The following CACNA1D variants were observed in gnomAD, a reference collection of about 807,000 sequenced individuals.
CACNA1D encodes the protein calcium voltage-gated channel subunit alpha1 D.
Under a neutral mutation model 257.1 loss-of-function variants are expected in CACNA1D, and 55 were observed. The observed-to-expected ratio is 0.21, with a 90% confidence interval of 0.17 to 0.27. The LOEUF is 0.27. Among genes scored for constraint, CACNA1D ranks in the 10% least tolerant of loss-of-function variants. The probability of loss-of-function intolerance (pLI) is 1.00; values close to 1 mark genes in which losing one functional copy is unlikely to be tolerated. For synonymous variants in CACNA1D, 980 were observed against 1,014.9 expected (o/e 0.97, Z 0.65); for missense variants, 1,876 against 2,784.0 (o/e 0.67, Z 7.34).
intron 3 of CACNA1D, among the ~76,000 whole-genome samples, chr3:53,593,341 G>T (rs2093331443): frequency 6.6e-6 from 1 of 152,178 alleles, no homozygotes; most frequent in Admixed American, 6.5e-5. Context: ...AGCTTGTCTT[G>T]TTTCTGAGTT....
chr3:53,546,547 G>C (rs1315362336), intron 3 of CACNA1D, among the ~76,000 whole-genome samples: 1 of 152,208 alleles, frequency 6.6e-6, no homozygotes, highest in African/African-American at 2.4e-5. Context: ...AAGGCCATAA[G>C]AGTCAGAATT....
At chr3:53,670,534 G>A (rs570294374) in intron 7 of CACNA1D, among the ~76,000 whole-genome samples, 1 of 152,006 alleles carries the variant, frequency 6.6e-6, no homozygotes, top group South Asian at 2.1e-4. Flanking sequence ...TAGTAGAGAC[G>A]GGTTTCACCA....
chr3:53,609,427 A>C lies in CACNA1D; in HGVS notation c.484-41352A>C, dbSNP rs1040279937. On this transcript the variant is annotated intron_variant, in intron 3 of 47. Transcript: ENST00000350061. ...TCTACCTCAAAAAAAAAAAAAAAAA[A>C]AAAAAACTTCAAGTTATTAAATAGA... Among the ~76,000 whole-genome samples, 37 of 151,912 alleles carry C rather than the reference A, an allele frequency of 2.4e-4. No individual in the cohort carries two copies. In the South Asian group the frequency reaches 5.6e-3, roughly 23 times the overall value.
At chr3:53,727,372 G>A (rs568589545) in intron 15 of CACNA1D, among the ~76,000 whole-genome samples, 17 of 152,292 alleles carry the variant, frequency 1.1e-4, no homozygotes, top group East Asian at 7.7e-4. Flanking sequence ...GAGCTTAGGC[G>A]TCCATCTGTG....
intron 32 of CACNA1D, among the ~76,000 whole-genome samples, chr3:53,771,510 C>T (rs1373212098): frequency 2.6e-5 from 4 of 152,138 alleles, no homozygotes; most frequent in Non-Finnish European, 5.9e-5. Context: ...GTGGTGCAGG[C>T]ACTCACAAGG....
chr3:53,574,662 C>T lies in CACNA1D; in HGVS notation c.483+72942C>T, dbSNP rs116007545. ...GGGAGCTGTGGCATCTCCCCCACCCCCAGCACACTCACACCCCCCAGCAGA... is the reference window on the plus strand; with the variant it reads ...GGGAGCTGTGGCATCTCCCCCACCCTCAGCACACTCACACCCCCCAGCAGA... On this transcript the variant is annotated intron_variant, in intron 3 of 47. Coordinates refer to ENST00000350061, the MANE Select transcript of CACNA1D (RefSeq NM_001128840.3). 2.0e-3 allele frequency among the ~76,000 whole-genome samples: 306 copies of T among 152,076 alleles called. 3 individuals are homozygous for T. The highest frequency in any genetic ancestry group is 6.3e-3 in the African/African-American group (261 of 41,484).
chr3:53,712,155 G>T (rs2094764636), intron 9 of CACNA1D, among the ~76,000 whole-genome samples: 1 of 152,252 alleles, frequency 6.6e-6, no homozygotes, highest in Admixed American at 6.5e-5. Flanking sequence ...GCTGAATGCA[G>T]GCTTGGGCCT....
At chr3:53,589,352 G>A (rs987920755) in intron 3 of CACNA1D, among the ~76,000 whole-genome samples, 3 of 152,136 alleles carry the variant, frequency 2.0e-5, no homozygotes, top group African/African-American at 7.2e-5. Flanking sequence ...CAGATGGGGT[G>A]TTCATGTTCT....
At chr3:53,651,366 C>CTTTTTATTTTTTTTTTTTTT (rs2094091728) in intron 4 of CACNA1D, among the ~76,000 whole-genome samples, 1 of 81,834 alleles carries the variant, frequency 1.2e-5, no homozygotes, top group African/African-American at 4.4e-5. Flanking sequence ...TATTAATTTT[C>CTTTTTATTTTTTTTTTTTTT]TTTTTTTTTT....
chr3:53,691,868 T>G (rs557613375), intron 8 of CACNA1D, among the ~76,000 whole-genome samples: 283 of 108,794 alleles, frequency 2.6e-3, no homozygotes, highest in African/African-American at 7.9e-3. Flanking sequence ...ATATATTATA[T>G]ATATTACATA....
At chr3:53,620,405 C>T (rs966145279) in intron 3 of CACNA1D, among the ~76,000 whole-genome samples, 2 of 152,188 alleles carry the variant, frequency 1.3e-5, no homozygotes, top group Non-Finnish European at 2.9e-5. Flanking sequence ...ATCCTCCTGC[C>T]TCAGCCTGCC....
chr3:53,765,154 G>A (rs574762831), intron 30 of CACNA1D, among the ~76,000 whole-genome samples: 26 of 152,318 alleles, frequency 1.7e-4, no homozygotes, highest in African/African-American at 6.0e-4. Flanking sequence ...AGGACTGGGT[G>A]TCCTTAACCT....
intron 29 of CACNA1D, among the ~76,000 whole-genome samples, chr3:53,754,666 A>G (rs1214314510): frequency 6.6e-6 from 1 of 152,224 alleles, no homozygotes; most frequent in Non-Finnish European, 1.5e-5. Context: ...AGCCACACCA[A>G]GCTGAAATGT....
At chr3:53,618,162 T>G (rs1486227677) in intron 3 of CACNA1D, among the ~76,000 whole-genome samples, 1 of 152,186 alleles carries the variant, frequency 6.6e-6, no homozygotes, top group Non-Finnish European at 1.5e-5. Context: ...CGACAGCTCC[T>G]AGCAGCTGCA....
At chr3:53,538,171 A>G (rs767608033) in intron 3 of CACNA1D, among the ~76,000 whole-genome samples, 9 of 98,374 alleles carry the variant, frequency 9.1e-5, no homozygotes, top group Non-Finnish European at 1.5e-4. Context: ...TTTTTTTGAC[A>G]GAGTCTCGTT....
chr3:53,674,748 C>T (rs2094357514), intron 8 of CACNA1D, among the ~76,000 whole-genome samples: 1 of 152,184 alleles, frequency 6.6e-6, no homozygotes, highest in Non-Finnish European at 1.5e-5. Context: ...CTCCTTCATA[C>T]AGCCATTGCC....
chr3:53,671,313 G>T (rs1377470847), intron 7 of CACNA1D, among the ~76,000 whole-genome samples: 1 of 152,110 alleles, frequency 6.6e-6, no homozygotes, highest in African/African-American at 2.4e-5. Context: ...GGGAGCCCTG[G>T]ACCTGTCTGC....
At chr3:53,808,588 AAAGAC>A in intron 45 of CACNA1D, 56 bp from the exon 46 acceptor site, 2 of 1,599,084 alleles carry the variant, frequency 1.3e-6, no homozygotes, top group Middle Eastern at 1.7e-4. Flanking sequence ...CCTGACTCTG[AAAGAC>A]GGTGTCCCGG....
intron 8 of CACNA1D, among the ~76,000 whole-genome samples, chr3:53,680,748 A>C (rs2094422391): frequency 6.6e-6 from 1 of 152,244 alleles, no homozygotes. Context: ...AAGGATATTT[A>C]GGAGTTTAAT....
Sources: gnomAD v4.1 joint callset for allele counts (sites outside exome capture counted in the v4.1 genomes callset) on GRCh38, gnomAD v4.1.1 for gene constraint, MANE v1.5 for transcripts, NCBI Gene and HGNC (gene_info 2026-07-23, HGNC 2026-07-21) for gene names.